Variants in PLXNA4 observed in about 807,000 individuals in gnomAD.
The protein encoded by PLXNA4 is plexin A4.
In PLXNA4, 44 loss-of-function variants were observed where a neutral mutation model predicts 191.8. That is an observed-to-expected ratio of 0.23 (90% CI 0.18 to 0.29). The LOEUF is 0.29. PLXNA4 is among the 10% of genes least tolerant of loss of function. PLXNA4 has a pLI of 1.00. For missense variants in PLXNA4, 1,800 were observed against 2,488.8 expected (o/e 0.72, Z 5.89); for synonymous variants, 1,082 against 1,009.5 (o/e 1.07, Z -1.36).
intron 4 of PLXNA4, among the ~76,000 whole-genome samples, chr7:132,288,138 C>A (rs1800752114): frequency 1.3e-5 from 2 of 152,168 alleles, no homozygotes. Context: ...AGCTCCTCCC[C>A]CAAACTGCTG....
At chr7:132,304,140 G>GT (rs78243173) in intron 3 of PLXNA4, among the ~76,000 whole-genome samples, 25,416 of 152,124 alleles carry the variant, frequency 0.17, 2,628 homozygotes, top group South Asian at 0.43. Context: ...TCATAAAGAC[G>GT]TAACATACTG....
intron 25 of PLXNA4, among the ~76,000 whole-genome samples, chr7:132,154,258 G>C (rs371070605): frequency 2.0e-5 from 3 of 152,152 alleles, no homozygotes; most frequent in East Asian, 1.9e-4. Flanking sequence ...ACACCTGACA[G>C]GGAGCCCTGA....
chr7:132,282,825 C>T (rs966371708), intron 4 of PLXNA4, among the ~76,000 whole-genome samples: 31 of 151,710 alleles, frequency 2.0e-4, no homozygotes, highest in Admixed American at 1.8e-3. Context: ...AAGTAGCCTC[C>T]CCTAGATTAT....
chr7:132,426,879 G>A (rs998662196), intron 3 of PLXNA4, among the ~76,000 whole-genome samples: 1 of 152,136 alleles, frequency 6.6e-6, no homozygotes, highest in African/African-American at 2.4e-5. Flanking sequence ...GTCTCTAAGG[G>A]GGAAAAGGTG....
intron 3 of PLXNA4, among the ~76,000 whole-genome samples, chr7:132,404,153 G>A (rs1794114898): frequency 6.6e-6 from 1 of 152,134 alleles, no homozygotes; most frequent in South Asian, 2.1e-4. Flanking sequence ...TTAACCCAGA[G>A]GCCTTGACCC....
In PLXNA4 at chr7:132,133,183, C is replaced by G; in HGVS notation, c.5455G>C (p.Gly1819Arg). 6.2e-7 allele frequency: 1 copy of G among 1,614,126 alleles called. No homozygotes were observed. The highest frequency in any genetic ancestry group is 8.5e-7 in the Non-Finnish European group (1 of 1,179,986). Residue 1819 changes from glycine to arginine, a missense_variant, in exon 31 of 32, where the codon GGG becomes CGG. This residue lies in a region of PLXNA4 where 101 missense variants were observed against 182.8 expected (regional missense o/e 0.55). Coordinates refer to ENST00000321063, the MANE Select transcript of PLXNA4 (RefSeq NM_020911.2). Reference protein sequence around the residue: ...NWVERYYSDIGKMPAISDQDM... With the variant: ...NWVERYYSDIRKMPAISDQDM... ...TGGTCGCTGATGGCTGGCATCTTCC[C>G]TATGTCTGAGTAATACCTGTGGAGG... is the stretch of plus-strand genomic sequence containing the variant.
At chr7:132,328,995 C>T (rs930642429) in intron 3 of PLXNA4, among the ~76,000 whole-genome samples, 1 of 152,162 alleles carries the variant, frequency 6.6e-6, no homozygotes, top group Non-Finnish European at 1.5e-5. Context: ...GTTCTCAAAG[C>T]GTGGTTCTGG....
At chr7:132,563,703 CCTCCTCCTT>C (rs1801512263) in intron 1 of PLXNA4, among the ~76,000 whole-genome samples, 1 of 126,128 alleles carries the variant, frequency 7.9e-6, no homozygotes, top group Non-Finnish European at 1.7e-5. Flanking sequence ...TCCTTCTCCT[CCTCCTCCTT>C]CTCCTCCTCC....
At chr7:132,631,568 C>T (rs1487750551) in intron 2 of PLXNA4, among the ~76,000 whole-genome samples, 1 of 152,060 alleles carries the variant, frequency 6.6e-6, no homozygotes, top group Non-Finnish European at 1.5e-5. Flanking sequence ...TAGATGGTAC[C>T]CCAGGCTGGA....
At chr7:132,303,356 G>A (rs1801383182) in intron 3 of PLXNA4, among the ~76,000 whole-genome samples, 2 of 150,668 alleles carry the variant, frequency 1.3e-5, no homozygotes, top group South Asian at 4.2e-4. Context: ...GGATCACGAG[G>A]TCAAGAGATC....
chr7:132,325,542 C>T (rs1584994064), intron 3 of PLXNA4, among the ~76,000 whole-genome samples: 1 of 152,252 alleles, frequency 6.6e-6, no homozygotes, highest in Non-Finnish European at 1.5e-5. Flanking sequence ...CACCATATTA[C>T]TGGTGTCCTT....
At chr7:132,375,491 C>A (rs1310061464) in intron 3 of PLXNA4, among the ~76,000 whole-genome samples, 1 of 152,158 alleles carries the variant, frequency 6.6e-6, no homozygotes, top group Non-Finnish European at 1.5e-5. Context: ...ACTGGAGACC[C>A]AAAGACAAAC....
intron 3 of PLXNA4, among the ~76,000 whole-genome samples, chr7:132,419,533 TAAG>T (rs1255464228): frequency 6.6e-6 from 1 of 152,222 alleles, no homozygotes; most frequent in Non-Finnish European, 1.5e-5. Context: ...TTAAAGGAAA[TAAG>T]AAAATATTTA....
At chr7:132,230,892 CAA>C (rs1255338958) in intron 5 of PLXNA4, among the ~76,000 whole-genome samples, 3 of 152,074 alleles carry the variant, frequency 2.0e-5, no homozygotes, top group Non-Finnish European at 1.5e-5. Context: ...CTGGAGTTAC[CAA>C]ATAGAGATTC....
intron 4 of PLXNA4, among the ~76,000 whole-genome samples, chr7:132,264,966 T>C (rs983177496): frequency 2.0e-5 from 3 of 152,228 alleles, no homozygotes; most frequent in South Asian, 2.1e-4. Context: ...AGGGCTGGGA[T>C]TACAGGCATG....
chr7:132,323,997 C>T (rs559476072), intron 3 of PLXNA4, among the ~76,000 whole-genome samples: 12 of 152,200 alleles, frequency 7.9e-5, no homozygotes, highest in African/African-American at 1.2e-4. Flanking sequence ...CTGGACCATA[C>T]CGAGCTAGGC....
At position 132,644,679 on chromosome 7, in the gene PLXNA4, A is replaced by G. The variant is rs368492089; in HGVS notation, c.-87+1249T>C. Among the ~76,000 whole-genome samples, 7 of 152,316 alleles carry G rather than the reference A, an allele frequency of 4.6e-5. No homozygotes were observed. The South Asian group carries it at 1.5e-3, about 32-fold the overall frequency. On this transcript the variant is annotated intron_variant, in intron 2 of 4. Coordinates refer to the PLXNA4 transcript ENST00000378539. ...CCAGCCACTGTAATTCCTTCGTGATATATTTAAAGAGGAAGATGATGAAGG... is the reference window on the plus strand; with the variant it reads ...CCAGCCACTGTAATTCCTTCGTGATGTATTTAAAGAGGAAGATGATGAAGG...
intron 1 of PLXNA4, among the ~76,000 whole-genome samples, chr7:132,518,358 C>G (rs200408473): frequency 2.0e-5 from 3 of 152,198 alleles, no homozygotes; most frequent in South Asian, 4.1e-4. Context: ...TTTGGGCAGT[C>G]TCAGTGTGGG....
chr7:132,502,561 C>A (rs1258213164), intron 2 of PLXNA4, among the ~76,000 whole-genome samples: 1 of 152,168 alleles, frequency 6.6e-6, no homozygotes. Flanking sequence ...CCCCGGATCA[C>A]AAACGCCCTA....
Sources: gnomAD v4.1 joint callset for allele counts (sites outside exome capture counted in the v4.1 genomes callset) on GRCh38, gnomAD v4.1.1 for gene constraint, gnomAD v4.1.1 regional missense constraint, MANE v1.5 for transcripts, NCBI Gene and HGNC (gene_info 2026-07-23, HGNC 2026-07-21) for gene names.